The following GPC5 variants were observed in gnomAD, a reference collection of about 807,000 sequenced individuals.
GPC5 encodes glypican 5, also known as glypican-5.
Under a neutral mutation model 53.9 loss-of-function variants are expected in GPC5, and 47 were observed. That is an observed-to-expected ratio of 0.87 (90% CI 0.69 to 1.11). GPC5 has a LOEUF of 1.11. Among genes scored for constraint, GPC5 ranks in the 50% most tolerant of loss-of-function variants. The probability of loss-of-function intolerance (pLI) is 0.00; values close to 1 mark genes in which losing one functional copy is unlikely to be tolerated. For missense variants in GPC5, 748 were observed against 713.1 expected (o/e 1.05, Z -0.56); for synonymous variants, 286 against 263.3 (o/e 1.09, Z -0.84).
At chr13:91,447,648 G>C (rs191964333) in intron 1 of GPC5, among the ~76,000 whole-genome samples, 2 of 152,236 alleles carry the variant, frequency 1.3e-5, no homozygotes, top group East Asian at 3.9e-4. Flanking sequence ...GAAAAAGTAG[G>C]AAGGGCTTGA....
At chr13:91,954,294 TAAC>T (rs1447554438) in intron 6 of GPC5, among the ~76,000 whole-genome samples, 1 of 152,032 alleles carries the variant, frequency 6.6e-6, no homozygotes. Flanking sequence ...GAAAGAAAAA[TAAC>T]AGCCCATTTT....
intron 7 of GPC5, among the ~76,000 whole-genome samples, chr13:92,166,562 C>T (rs1436702174): frequency 1.3e-5 from 2 of 151,740 alleles, no homozygotes; most frequent in African/African-American, 4.8e-5. Context: ...TTTCATTAGC[C>T]CTAATCTGCT....
chr13:92,106,729 T>C (rs1470146793), intron 6 of GPC5, among the ~76,000 whole-genome samples: 1 of 152,120 alleles, frequency 6.6e-6, no homozygotes, highest in East Asian at 1.9e-4. Flanking sequence ...CACATTGTTT[T>C]TGGCCAAGGC....
chr13:91,944,687 C>T (rs886884964), intron 6 of GPC5, among the ~76,000 whole-genome samples: 1 of 152,168 alleles, frequency 6.6e-6, no homozygotes, highest in Non-Finnish European at 1.5e-5. Flanking sequence ...TTACCTCTTG[C>T]CTTACTGGTA....
intron 1 of GPC5, among the ~76,000 whole-genome samples, chr13:91,445,387 C>T (rs1298171135): frequency 3.3e-5 from 5 of 152,128 alleles, no homozygotes; most frequent in African/African-American, 1.2e-4. Flanking sequence ...AAGGGGTGAT[C>T]GACACCCCAG....
At chr13:91,905,387 T>C (rs2039542641) in intron 5 of GPC5, among the ~76,000 whole-genome samples, 1 of 152,008 alleles carries the variant, frequency 6.6e-6, no homozygotes, top group Non-Finnish European at 1.5e-5. Flanking sequence ...CTATTTGTTA[T>C]TGATGTATAC....
At chr13:91,698,689 T>C (rs58070624) in intron 3 of GPC5, among the ~76,000 whole-genome samples, 11,583 of 152,280 alleles carry the variant, frequency 0.076, 602 homozygotes, top group East Asian at 0.32. Context: ...ACAATGCCAT[T>C]GCAATTTTAG....
At chr13:92,126,614 T>G (rs1176067503) in intron 6 of GPC5, among the ~76,000 whole-genome samples, 1 of 152,166 alleles carries the variant, frequency 6.6e-6, no homozygotes, top group East Asian at 1.9e-4. Flanking sequence ...CATTATGTAA[T>G]GTCTATGGCT....
chr13:92,195,393 T>C (rs2042250164), intron 7 of GPC5, among the ~76,000 whole-genome samples: 1 of 152,218 alleles, frequency 6.6e-6, no homozygotes. Flanking sequence ...TAGTCATTAT[T>C]TAATTTAACC....
At chr13:91,748,657 G>A (rs1464472536) in intron 4 of GPC5, among the ~76,000 whole-genome samples, 1 of 152,146 alleles carries the variant, frequency 6.6e-6, no homozygotes, top group African/African-American at 2.4e-5. Flanking sequence ...CATACAGGGG[G>A]ATTATAATAC....
At chr13:92,370,252 G>T (rs2043639689) in intron 7 of GPC5, among the ~76,000 whole-genome samples, 1 of 152,058 alleles carries the variant, frequency 6.6e-6, no homozygotes. Context: ...TGGTTCTTAG[G>T]TGCATGAGTT....
intron 5 of GPC5, among the ~76,000 whole-genome samples, chr13:91,899,887 G>A (rs1040661222): frequency 2.6e-5 from 4 of 152,092 alleles, no homozygotes; most frequent in African/African-American, 9.7e-5. Context: ...TCAGAACTGT[G>A]AGAGAATATA....
intron 2 of GPC5, among the ~76,000 whole-genome samples, chr13:91,664,966 G>A (rs1190594490): frequency 1.3e-5 from 2 of 152,148 alleles, no homozygotes; most frequent in Non-Finnish European, 2.9e-5. Context: ...TTGGTATTTT[G>A]ATTGAACCAT....
intron 7 of GPC5, among the ~76,000 whole-genome samples, chr13:92,855,644 A>G (rs1878973500): frequency 6.6e-6 from 1 of 151,856 alleles, no homozygotes; most frequent in Non-Finnish European, 1.5e-5. Context: ...TGAAGACCCA[A>G]ACACAGTCAG....
chr13:92,727,588 G>T (rs61974482), intron 7 of GPC5, among the ~76,000 whole-genome samples: 22,421 of 151,140 alleles, frequency 0.15, 1,992 homozygotes, highest in Non-Finnish European at 0.21. Flanking sequence ...ATTCAATCTT[G>T]ACAGAAACTC....
intron 5 of GPC5, among the ~76,000 whole-genome samples, chr13:91,757,661 A>T (rs9560850): frequency 0.12 from 18,759 of 152,128 alleles, 1,309 homozygotes; most frequent in East Asian, 0.33. Context: ...GCCATGATTA[A>T]AAGTTTCCTG....
chr13:92,080,534 C>T (rs867049386), intron 6 of GPC5, among the ~76,000 whole-genome samples: 1 of 152,204 alleles, frequency 6.6e-6, no homozygotes, highest in East Asian at 1.9e-4. Flanking sequence ...CTACATCCAT[C>T]ATATCACTTA....
chr13:92,744,351 A>T (rs1445078357), intron 7 of GPC5, among the ~76,000 whole-genome samples: 1 of 152,120 alleles, frequency 6.6e-6, no homozygotes, highest in Admixed American at 6.6e-5. Flanking sequence ...GGATGTTTAT[A>T]ACCATTCAAT....
At chr13:92,316,213 TA>T (rs539802686) in intron 7 of GPC5, among the ~76,000 whole-genome samples, 7 of 152,118 alleles carry the variant, frequency 4.6e-5, no homozygotes, top group Non-Finnish European at 8.8e-5. Context: ...TATATAAACT[TA>T]AAAAAAATTG....
Sources: gnomAD v4.1 joint callset for allele counts (sites outside exome capture counted in the v4.1 genomes callset) on GRCh38, gnomAD v4.1.1 for gene constraint, MANE v1.5 for transcripts, NCBI Gene and HGNC (gene_info 2026-07-23, HGNC 2026-07-21) for gene names.